RAB44: variants seen among roughly 807,000 people sequenced by gnomAD.
The protein encoded by RAB44 is RAB44, member RAS oncogene family, also known as ras-related protein Rab-44.
RAB44 carries 67 observed loss-of-function variants against 93.3 expected under a neutral mutation model. That is an observed-to-expected ratio of 0.72 (90% CI 0.59 to 0.88). RAB44 has a LOEUF of 0.88. Ranked by LOEUF, RAB44 falls within the 40% of genes least tolerant of loss-of-function variation. RAB44 has a pLI of 0.00. For synonymous variants in RAB44, 427 were observed against 520.3 expected (o/e 0.82, Z 2.44); for missense variants, 1,064 against 1,261.7 (o/e 0.84, Z 2.37).
At chr6:36,704,487 G>A (rs1762593929) in intron 2 of RAB44, 45 bp downstream of exon 2, 2 of 1,492,902 alleles carry the variant, frequency 1.3e-6, no homozygotes, top group African/African-American at 1.4e-5. Flanking sequence ...CTTTTCCGCA[G>A]CTCCTGACAC....
At chr6:36,699,203 G>A (rs898861545) in intron 1 of RAB44, among the ~76,000 whole-genome samples, 1 of 152,160 alleles carries the variant, frequency 6.6e-6, no homozygotes, top group Non-Finnish European at 1.5e-5. Flanking sequence ...CTGAGGTGGG[G>A]CAGGCGAGGT....
rs951267210 is a variant in RAB44, at chr6:36,714,065, T to A, written c.319+126T>A. On this transcript the variant is annotated intron_variant, in intron 3 of 13. Coordinates refer to ENST00000612677, the MANE Select transcript of RAB44 (RefSeq NM_001257357.2). ...GGGACTTTCACCCCCCATCCCCGGC[T>A]GCCACAGTGGTCCGGGGCCCTCCCC... 3.6e-5 allele frequency: 24 copies of A among 663,770 alleles called. No individual in the cohort carries two copies. In the African/African-American group the frequency reaches 3.9e-4, roughly 11 times the overall value. The allele number at this position is 663,770 out of a possible 1,614,324, so 41.1% of individuals were successfully genotyped here. A position where few individuals can be genotyped will look rare whatever the true frequency, so the allele number is the denominator to read the frequency against.
chr6:36,730,876 G>T, intron 13 of RAB44, 127 bp downstream of exon 13: 2 of 435,814 alleles, frequency 4.6e-6, no homozygotes, highest in Non-Finnish European at 7.6e-6. Context: ...GGTCAGGGAA[G>T]CACCTAGTTA....
chr6:36,712,738 C>A (rs1762817966), intron 2 of RAB44, among the ~76,000 whole-genome samples: 1 of 152,110 alleles, frequency 6.6e-6, no homozygotes, highest in South Asian at 2.1e-4. Flanking sequence ...GATTAGCAAA[C>A]CAGTTTTTCT....
intron 12 of RAB44, among the ~76,000 whole-genome samples, chr6:36,730,020 T>C (rs79628682): frequency 0.014 from 2,176 of 152,314 alleles, 43 homozygotes; most frequent in African/African-American, 0.049. Context: ...GTATTTGCCA[T>C]TAAGAATCCT....
At chr6:36,725,153 C>T (rs999642867) in intron 9 of RAB44, among the ~76,000 whole-genome samples, 2 of 152,166 alleles carry the variant, frequency 1.3e-5, no homozygotes, top group South Asian at 2.1e-4. Context: ...GAATTGCATG[C>T]TCTCTGGGTC....
At position 36,732,634 on chromosome 6, in the gene RAB44, A is replaced by C. The variant is rs1763387813; in HGVS notation, c.*541A>C. 6.6e-6 allele frequency: 1 copy of C among 152,134 alleles called. No individual in the cohort carries two copies. The highest frequency in any genetic ancestry group is 2.4e-5 in the African/African-American group (1 of 41,424). The allele number at this position is 152,134 out of a possible 1,614,324, so 9.4% of individuals were successfully genotyped here. On this transcript the variant is annotated 3_prime_UTR_variant, in exon 14 of 14. Transcript: ENST00000612677. ...GCGGTCCCTCTGTGCTCTGCTTGGC[A>C]GGGCGCTGTTGGCCTGGTCTCCCTC... is the stretch of plus-strand genomic sequence containing the variant.
chr6:36,716,823 C>T (rs1028208662), intron 4 of RAB44, among the ~76,000 whole-genome samples: 1 of 152,232 alleles, frequency 6.6e-6, no homozygotes, highest in Non-Finnish European at 1.5e-5. Context: ...TGGGCACCAA[C>T]CGTGTGGCAG....
rs1337068383 is a variant in RAB44 at position 36,725,884 on chromosome 6, C to T, written c.2622C>T (p.Thr874=). The T allele has an allele frequency of 6.4e-7, 1 of 1,550,500 alleles. No individual in the cohort carries two copies. The highest frequency in any genetic ancestry group is 8.7e-7 in the Non-Finnish European group (1 of 1,146,976). The change falls in exon 10 of 14, where the codon ACC becomes ACT. Residue 874 remains threonine, a synonymous_variant. Transcript: ENST00000612677. Reference sequence around the variant, plus strand: ...TAGGAGTAGATTTTCGGGTCAAAACCTTGCTGGTGGACAACAAGTGCTTTG... The same window carrying T: ...TAGGAGTAGATTTTCGGGTCAAAACTTTGCTGGTGGACAACAAGTGCTTTG... ...ATVGVDFRVK[T]LLVDNKCFVL... is the part of the protein sequence containing the mutation.
At chr6:36,710,188 G>A (rs1463096701) in intron 2 of RAB44, among the ~76,000 whole-genome samples, 3 of 152,042 alleles carry the variant, frequency 2.0e-5, no homozygotes, top group East Asian at 1.9e-4. Context: ...TGCACCCATC[G>A]AACAGTAACT....
At position 36,721,806 on chromosome 6, in the gene RAB44, A is replaced by T. The variant is rs1177893695; in HGVS notation, c.1672A>T (p.Thr558Ser). ...CCAGGAACCCACACAAACCCCTCCC[A>T]CCATGACTGAGCGGGAAACCCAGCC... ...GPQEPTQTPP[T>S]MTERETQPGP... The change falls in exon 9 of 14, where the codon ACC becomes TCC. Residue 558 changes from threonine to serine, a missense_variant. Transcript: ENST00000612677. 8.1e-7 allele frequency: 1 copy of T among 1,234,494 alleles called. No homozygotes were observed. The allele number at this position is 1,234,494 out of a possible 1,614,324, so 76.5% of individuals were successfully genotyped here.
At chr6:36,709,693 T>A (rs1198492145) in intron 2 of RAB44, among the ~76,000 whole-genome samples, 2 of 152,134 alleles carry the variant, frequency 1.3e-5, no homozygotes, top group African/African-American at 4.8e-5. Context: ...TTAGCTGGAA[T>A]TACAGACGCC....
intron 3 of RAB44, among the ~76,000 whole-genome samples, chr6:36,714,320 C>A (rs927846172): frequency 2.4e-4 from 37 of 152,270 alleles, no homozygotes; most frequent in African/African-American, 8.4e-4. Context: ...CCCCACTGGG[C>A]AGGGCTGCCC....
chr6:36,722,257 C>G lies in RAB44; in HGVS notation c.2123C>G (p.Ser708Trp), dbSNP rs141121485. Reference protein sequence around the residue: ...VEAHGLETAHSELPQQDSLLV... With the variant: ...VEAHGLETAHWELPQQDSLLV... ...GCTCACGGCCTAGAAACTGCGCATT[C>G]GGAACTCCCCCAGCAAGACTCTCTG... The change falls in exon 9 of 14, where the codon TCG becomes TGG. Residue 708 changes from serine to tryptophan, a missense_variant. Coordinates refer to ENST00000612677, the MANE Select transcript of RAB44 (RefSeq NM_001257357.2). 1.6e-6 allele frequency: 2 copies of G among 1,275,604 alleles called. No homozygotes were observed. Among genetic ancestry groups the G allele is most frequent in the South Asian group, 6.6e-5 (2 of 30,268 alleles). 79.0% of individuals were successfully genotyped at this position (1,275,604 alleles called of 1,614,324 possible).
intron 12 of RAB44, among the ~76,000 whole-genome samples, chr6:36,730,026 A>G (rs2150343014): frequency 6.6e-6 from 1 of 152,358 alleles, no homozygotes; most frequent in East Asian, 1.9e-4. Flanking sequence ...GCCATTAAGA[A>G]TCCTGTCTTG....
intron 2 of RAB44, among the ~76,000 whole-genome samples, chr6:36,709,851 C>T (rs2150328505): frequency 6.6e-6 from 1 of 152,240 alleles, no homozygotes. Context: ...GCCACCATGC[C>T]CAGCCTGTAT....
At chr6:36,720,608 G>C in intron 8 of RAB44, 58 bp downstream of exon 8, 1 of 1,193,248 alleles carries the variant, frequency 8.4e-7, no homozygotes, top group Non-Finnish European at 1.1e-6. Flanking sequence ...GGAACCAGTG[G>C]GGAACTCTGA....
chr6:36,702,366 C>A (rs1762534625), intron 1 of RAB44, among the ~76,000 whole-genome samples: 1 of 141,484 alleles, frequency 7.1e-6, no homozygotes, highest in Non-Finnish European at 1.5e-5. Context: ...AGTTTGGGGC[C>A]TCCTAAGGAT....
chr6:36,700,689 C>T (rs1458557954), intron 1 of RAB44, among the ~76,000 whole-genome samples: 1 of 152,164 alleles, frequency 6.6e-6, no homozygotes, highest in Non-Finnish European at 1.5e-5. Flanking sequence ...CCTCTCGCCT[C>T]AGCCTCCCAA....
Sources: gnomAD v4.1 joint callset for allele counts (sites outside exome capture counted in the v4.1 genomes callset) on GRCh38, gnomAD v4.1.1 for gene constraint, MANE v1.5 for transcripts, NCBI Gene and HGNC (gene_info 2026-07-23, HGNC 2026-07-21) for gene names.